The following TRAPPC9 variants were observed in gnomAD, a reference collection of about 807,000 sequenced individuals.
The protein encoded by TRAPPC9 is trafficking protein particle complex subunit 9.
A neutral mutation model predicts 124.0 loss-of-function variants in TRAPPC9; 83 were observed. That is an observed-to-expected ratio of 0.67 (90% CI 0.56 to 0.80). The LOEUF is 0.80. TRAPPC9 is among the 30% of genes least tolerant of loss of function. The pLI is 0.00. For missense variants in TRAPPC9, 1,302 were observed against 1,508.3 expected (o/e 0.86, Z 2.27); for synonymous variants, 638 against 617.5 (o/e 1.03, Z -0.49).
chr8:139,992,851 C>T (rs978432398), intron 18 of TRAPPC9, among the ~76,000 whole-genome samples: 1 of 151,870 alleles, frequency 6.6e-6, no homozygotes, highest in African/African-American at 2.4e-5. Context: ...AATGACTATG[C>T]AGGTACACAG....
intron 17 of TRAPPC9, among the ~76,000 whole-genome samples, chr8:140,167,628 T>C (rs369738345): frequency 1.3e-5 from 2 of 152,312 alleles, no homozygotes. Context: ...CATGAAGGTA[T>C]GTGAATGGGA....
intron 19 of TRAPPC9, among the ~76,000 whole-genome samples, chr8:139,970,070 G>T (rs1288309559): frequency 6.6e-6 from 1 of 152,186 alleles, no homozygotes; most frequent in African/African-American, 2.4e-5. Context: ...AAACAGCCTG[G>T]TCATAAACCA....
intron 5 of TRAPPC9, among the ~76,000 whole-genome samples, chr8:140,406,885 T>A (rs181155587): frequency 6.6e-6 from 1 of 152,138 alleles, no homozygotes; most frequent in East Asian, 1.9e-4. Flanking sequence ...GAAAAATATA[T>A]CTCAAATATG....
intron 9 of TRAPPC9, among the ~76,000 whole-genome samples, chr8:140,325,819 T>G (rs1161917710): frequency 6.6e-6 from 1 of 151,878 alleles, no homozygotes; most frequent in Non-Finnish European, 1.5e-5. Flanking sequence ...ACTTAGACAG[T>G]AAAAGTAGCA....
At chr8:139,877,080 G>A (rs1245696732) in intron 21 of TRAPPC9, among the ~76,000 whole-genome samples, 1 of 152,218 alleles carries the variant, frequency 6.6e-6, no homozygotes, top group African/African-American at 2.4e-5. Context: ...ATTAGTTGGA[G>A]AATGTGTACT....
chr8:139,958,973 C>T lies in TRAPPC9; in HGVS notation c.2810+29753G>A, dbSNP rs909034268. Among the ~76,000 whole-genome samples the T allele has an allele frequency of 7.1e-4, 105 of 147,920 alleles. 1 individual carries two copies. Among genetic ancestry groups the T allele is most frequent in the African/African-American group, 2.4e-3 (91 of 37,840 alleles). ...AGTCACACGGGGGAGCCCTGCATTC[C>T]GAGTCACACGGGGGAGCACTGCATT... is the stretch of plus-strand genomic sequence containing the variant. On this transcript the variant is annotated intron_variant, in intron 19 of 22. Coordinates refer to ENST00000438773, the MANE Select transcript of TRAPPC9 (RefSeq NM_001160372.4).
intron 15 of TRAPPC9, among the ~76,000 whole-genome samples, chr8:140,260,382 A>G (rs1271292357): frequency 1.3e-5 from 2 of 152,218 alleles, no homozygotes; most frequent in Non-Finnish European, 2.9e-5. Context: ...GAGAAGGACA[A>G]CAATCAAATG....
At chr8:140,112,256 G>A (rs543958988) in intron 17 of TRAPPC9, among the ~76,000 whole-genome samples, 2 of 151,866 alleles carry the variant, frequency 1.3e-5, no homozygotes, top group African/African-American at 2.4e-5. Context: ...GACGATGGTG[G>A]GACAGGTGCG....
At chr8:140,024,928 T>C (rs1840046333) in intron 17 of TRAPPC9, among the ~76,000 whole-genome samples, 1 of 152,054 alleles carries the variant, frequency 6.6e-6, no homozygotes, top group Non-Finnish European at 1.5e-5. Context: ...CTGGAACCCA[T>C]CCAAGAGAAG....
chr8:140,311,169 A>G lies in TRAPPC9; in HGVS notation c.1622+79T>C, dbSNP rs200179302. On this transcript the variant is annotated intron_variant, in intron 10 of 22. Coordinates refer to ENST00000438773, the MANE Select transcript of TRAPPC9 (RefSeq NM_001160372.4). ...CCAACAAAAATGGGAACTCTTCTAA[A>G]GATCTCTATTCACAATCAGACTAGA... 4,592 of 1,561,032 alleles carry G rather than the reference A, an allele frequency of 2.9e-3. 15 individuals are homozygous for G. The highest frequency in any genetic ancestry group is 3.7e-3 in the Non-Finnish European group (4,234 of 1,146,510).
chr8:140,249,264 T>C (rs1326770119), intron 16 of TRAPPC9, among the ~76,000 whole-genome samples: 2 of 152,200 alleles, frequency 1.3e-5, no homozygotes, highest in Admixed American at 6.5e-5. Context: ...CCCACTTATA[T>C]GTGAGAATAT....
chr8:139,953,626 G>A (rs1320673513), intron 19 of TRAPPC9, among the ~76,000 whole-genome samples: 1 of 152,098 alleles, frequency 6.6e-6, no homozygotes, highest in Non-Finnish European at 1.5e-5. Flanking sequence ...AGATAAACTA[G>A]ATTGAAAGTA....
At chr8:140,324,562 G>T (rs2131962986) in intron 9 of TRAPPC9, among the ~76,000 whole-genome samples, 1 of 152,252 alleles carries the variant, frequency 6.6e-6, no homozygotes, top group Non-Finnish European at 1.5e-5. Context: ...CTTGAGCCCA[G>T]AAGTTCGAGA....
At chr8:140,192,708 C>A (rs1245636309) in intron 17 of TRAPPC9, among the ~76,000 whole-genome samples, 2 of 152,212 alleles carry the variant, frequency 1.3e-5, no homozygotes, top group African/African-American at 4.8e-5. Context: ...TCCAACTAAT[C>A]ATATAAAAAC....
intron 21 of TRAPPC9, chr8:139,806,361 G>C (rs1005569583): frequency 6.6e-6 from 1 of 152,316 alleles, no homozygotes; most frequent in Non-Finnish European, 1.5e-5. Context: ...TACTGGCTGT[G>C]GGGAGAGCTT....
chr8:140,093,281 A>G (rs945036681), intron 17 of TRAPPC9, among the ~76,000 whole-genome samples: 11 of 152,136 alleles, frequency 7.2e-5, no homozygotes, highest in Non-Finnish European at 1.6e-4. Flanking sequence ...CTGGAGTTCT[A>G]CTGGTGTTCC....
rs1315743982 is a variant in TRAPPC9, at chr8:139,907,851, A to G, written c.2964+2296T>C. Among the ~76,000 whole-genome samples the G allele has an allele frequency of 6.6e-6, 1 of 152,262 alleles. No individual in the cohort carries two copies. The highest frequency in any genetic ancestry group is 2.4e-5 in the African/African-American group (1 of 41,466). ...GGCCACTATCATCCCATTAGAAGGCAGCATGTGCTGGGCGGGGACTGCAGG... is the reference window on the plus strand; with the variant it reads ...GGCCACTATCATCCCATTAGAAGGCGGCATGTGCTGGGCGGGGACTGCAGG... On this transcript the variant is annotated intron_variant, in intron 20 of 22. Transcript: ENST00000438773. This position sits in a 1 kb window ranked among gnomAD's most constrained non-coding sequence, Gnocchi z 4.7.
In TRAPPC9 at chr8:140,371,182, T is replaced by C. The variant is rs2068271447; in HGVS notation, c.1135-2A>G. 6.2e-7 allele frequency: 1 copy of C among 1,609,336 alleles called. No individual in the cohort carries two copies. The highest frequency in any genetic ancestry group is 1.7e-5 in the Admixed American group (1 of 59,022). Reference sequence around the variant, plus strand: ...CTGAATTTTCTCTTCCTCAGAAAGCTGAAGCACAGAGAGAAAGTAAAAAGC... The same window carrying C: ...CTGAATTTTCTCTTCCTCAGAAAGCCGAAGCACAGAGAGAAAGTAAAAAGC... On this transcript the variant is annotated splice_acceptor_variant, in intron 7 of 22. Coordinates refer to ENST00000438773, the MANE Select transcript of TRAPPC9 (RefSeq NM_001160372.4). LOFTEE classifies it high-confidence loss of function.
chr8:139,773,209 C>T lies in TRAPPC9; in HGVS notation c.3056-41007G>A, dbSNP rs150012866. On this transcript the variant is annotated intron_variant, in intron 21 of 22. Coordinates refer to ENST00000438773, the MANE Select transcript of TRAPPC9 (RefSeq NM_001160372.4). ...GTTAGTCACCCAGCAGGACGCCTGGCGCGCCCAGGTCTCTGCCTCTGTCCC... is the reference window on the plus strand; with the variant it reads ...GTTAGTCACCCAGCAGGACGCCTGGTGCGCCCAGGTCTCTGCCTCTGTCCC... Among the ~76,000 whole-genome samples the T allele has an allele frequency of 2.2e-3, 335 of 152,360 alleles. 1 individual carries two copies. The highest frequency in any genetic ancestry group is 3.9e-3 in the Non-Finnish European group (262 of 68,034).
Sources: allele counts gnomAD v4.1 joint callset (sites outside exome capture counted in the v4.1 genomes callset), GRCh38; gene constraint gnomAD v4.1.1; non-coding constraint Gnocchi (gnomAD v3.1); transcripts MANE v1.5; gene names NCBI Gene and HGNC (gene_info 2026-07-23, HGNC 2026-07-21).